The following APPBP2 variants were observed in gnomAD, a reference collection of about 807,000 sequenced individuals.
APPBP2 encodes the protein amyloid beta precursor protein binding protein 2.
Under a neutral mutation model 76.0 loss-of-function variants are expected in APPBP2, and 15 were observed. The observed-to-expected ratio is 0.20, with a 90% CI of 0.13 to 0.30. APPBP2 has a LOEUF of 0.30. APPBP2 is among the 10% of genes least tolerant of loss of function. The pLI is 1.00. For synonymous variants in APPBP2, 222 were observed against 242.2 expected (o/e 0.92, Z 0.77); for missense variants, 401 against 687.2 (o/e 0.58, Z 4.66).
intron 1 of APPBP2, among the ~76,000 whole-genome samples, chr17:60,504,069 CAG>C (rs1400241459): frequency 1.3e-5 from 2 of 152,084 alleles, no homozygotes; most frequent in Admixed American, 6.6e-5. Context: ...TCTTATGAAA[CAG>C]AGCTTAGAAG....
intron 4 of APPBP2, among the ~76,000 whole-genome samples, chr17:60,467,592 T>C (rs8066727): frequency 0.2 from 30,708 of 152,154 alleles, 10,322 homozygotes; most frequent in African/African-American, 0.7. Context: ...AGGGTATTAG[T>C]GTGGGCAAAG....
intron 5 of APPBP2, among the ~76,000 whole-genome samples, chr17:60,465,694 C>T (rs554094729): frequency 8.2e-4 from 125 of 152,190 alleles, no homozygotes; most frequent in Non-Finnish European, 1.5e-3. Flanking sequence ...AAAGCAAGAT[C>T]CTGTCTCAAA....
rs957532426 is a variant in APPBP2 at position 60,526,241 on chromosome 17, G to A, written c.-310C>T. The A allele has an allele frequency of 1.3e-5, 4 of 304,756 alleles. No individual in the cohort carries two copies. The highest frequency in any genetic ancestry group is 4.8e-5 in the Admixed American group (1 of 20,896). The allele number at this position is 304,756 out of a possible 1,614,324, so 18.9% of individuals were successfully genotyped here. On this transcript the variant is annotated 5_prime_UTR_variant, in exon 1 of 13. Transcript: ENST00000083182. ...TCTCTGCAGGGGCGGGGCTGCGTGTGCGGCGTCATGACGTAAGCGCACGCC... is the reference window on the plus strand; with the variant it reads ...TCTCTGCAGGGGCGGGGCTGCGTGTACGGCGTCATGACGTAAGCGCACGCC...
Position 60,443,836 on chromosome 17 carries a change from A to G in APPBP2, c.*3745T>C, listed in dbSNP as rs1347491168. 1 of 152,792 alleles carries G rather than the reference A, an allele frequency of 6.5e-6. No individual in the cohort carries two copies. Among genetic ancestry groups the G allele is most frequent in the East Asian group, 1.9e-4 (1 of 5,196 alleles). 9.5% of individuals were successfully genotyped at this position (152,792 alleles called of 1,614,324 possible). On this transcript the variant is annotated 3_prime_UTR_variant, in exon 13 of 13. Transcript: ENST00000083182. ...TGCAATTAAAGAATAGTATTATGCAATAAATCCTAAAGCACACTCCTTCTG... is the reference window on the plus strand; with the variant it reads ...TGCAATTAAAGAATAGTATTATGCAGTAAATCCTAAAGCACACTCCTTCTG...
chr17:60,516,194 A>G (rs542921496), intron 1 of APPBP2, among the ~76,000 whole-genome samples: 1 of 152,170 alleles, frequency 6.6e-6, no homozygotes, highest in African/African-American at 2.4e-5. Context: ...AACAAACAAA[A>G]AAAACCAGAT....
At chr17:60,491,925 C>A (rs1028688038) in intron 3 of APPBP2, among the ~76,000 whole-genome samples, 1 of 152,264 alleles carries the variant, frequency 6.6e-6, no homozygotes, top group South Asian at 2.1e-4. Context: ...GTCTCCAGGA[C>A]ATTTCAGAGA....
intron 1 of APPBP2, among the ~76,000 whole-genome samples, chr17:60,513,735 T>A (rs1327697034): frequency 6.6e-6 from 1 of 151,054 alleles, no homozygotes; most frequent in Non-Finnish European, 1.5e-5. Context: ...TGGTGGCGGG[T>A]GCCTGTAATC....
At chr17:60,477,320 T>C (rs2090597891) in intron 4 of APPBP2, 1 of 152,156 alleles carries the variant, frequency 6.6e-6, no homozygotes, top group Non-Finnish European at 1.5e-5. Context: ...TCTGAATATG[T>C]GAATAAAAAA....
chr17:60,507,225 T>C (rs1045223074), intron 1 of APPBP2, among the ~76,000 whole-genome samples: 1 of 131,390 alleles, frequency 7.6e-6, no homozygotes, highest in Admixed American at 6.7e-5. Flanking sequence ...TTTTCTTTTT[T>C]CTTTTTTTTT....
At chr17:60,468,372 G>C (rs1196021518) in intron 4 of APPBP2, 4 of 152,104 alleles carry the variant, frequency 2.6e-5, no homozygotes, top group Admixed American at 6.5e-5. Flanking sequence ...TAGCCAAATG[G>C]TTGAAAGAGA....
chr17:60,458,837 A>T (rs573383003), intron 9 of APPBP2, among the ~76,000 whole-genome samples: 2 of 146,360 alleles, frequency 1.4e-5, no homozygotes, highest in Non-Finnish European at 3.0e-5. Context: ...TGCAGTGGTG[A>T]TCTTGGCTCA....
intron 4 of APPBP2, 106 bp from the exon 5 acceptor site, chr17:60,466,565 A>G: frequency 8.9e-7 from 1 of 1,123,986 alleles, no homozygotes; most frequent in African/African-American, 1.5e-5. Flanking sequence ...AAATACAATT[A>G]CAAGGCAGCA....
intron 3 of APPBP2, among the ~76,000 whole-genome samples, chr17:60,483,908 A>G (rs1366490614): frequency 1.3e-5 from 2 of 151,974 alleles, no homozygotes; most frequent in African/African-American, 4.8e-5. Context: ...ATTTTTGTAT[A>G]ACGTGTAAGG....
At chr17:60,472,291 C>G (rs528280066) in intron 4 of APPBP2, among the ~76,000 whole-genome samples, 1 of 152,200 alleles carries the variant, frequency 6.6e-6, no homozygotes, top group African/African-American at 2.4e-5. Context: ...AGTCTTCAGT[C>G]CTGGACTTTG....
chr17:60,494,707 C>A (rs1432322945), intron 2 of APPBP2, 90 bp from the exon 3 acceptor site: 1 of 1,146,910 alleles, frequency 8.7e-7, no homozygotes, highest in African/African-American at 1.6e-5. Flanking sequence ...AATAATAGCA[C>A]CATTATTTTC....
intron 1 of APPBP2, among the ~76,000 whole-genome samples, chr17:60,511,553 C>G (rs9894766): frequency 0.077 from 11,662 of 150,618 alleles, 1,527 homozygotes; most frequent in African/African-American, 0.27. Context: ...TCACTGTATT[C>G]CAGCCTGGCG....
chr17:60,511,900 C>T (rs2090916659), intron 1 of APPBP2, among the ~76,000 whole-genome samples: 1 of 151,982 alleles, frequency 6.6e-6, no homozygotes, highest in South Asian at 2.1e-4. Context: ...TCCCACTACA[C>T]ATTTTTAAAA....
intron 11 of APPBP2, among the ~76,000 whole-genome samples, chr17:60,453,824 C>T (rs913984566): frequency 3.3e-5 from 5 of 152,168 alleles, no homozygotes; most frequent in African/African-American, 4.8e-5. Flanking sequence ...GCATAAGCCA[C>T]TGTGCCTGGC....
rs559104022 is a variant in APPBP2 at position 60,499,129 on chromosome 17, G to A, written c.227+1270C>T. ...GAGGATCACTTGAGCCCAGGAGTTC[G>A]AGACCAGCCTGGGCAACACAGCGAG... On this transcript the variant is annotated intron_variant, in intron 2 of 12. Transcript: ENST00000083182. Among the ~76,000 whole-genome samples the A allele has an allele frequency of 7.9e-5, 12 of 152,096 alleles. No individual in the cohort carries two copies. In the East Asian group the frequency reaches 2.1e-3, roughly 27 times the overall value.
Sources: allele counts gnomAD v4.1 joint callset (sites outside exome capture counted in the v4.1 genomes callset), GRCh38; gene constraint gnomAD v4.1.1; transcripts MANE v1.5; gene names NCBI Gene and HGNC (gene_info 2026-07-23, HGNC 2026-07-21).